The following FGF13 variants were observed in gnomAD, a reference collection of about 807,000 sequenced individuals.
The protein encoded by FGF13 is fibroblast growth factor 13.
In FGF13, 2 loss-of-function variants were observed where a neutral mutation model predicts 19.5. The ratio of observed to expected loss-of-function variants is 0.10; its 90% CI spans 0.04 to 0.32. The LOEUF (loss-of-function observed/expected upper bound fraction) is 0.32, where lower values mean the gene tolerates loss of function less well. FGF13 is among the 10% of genes least tolerant of loss of function. The pLI is 1.00. For missense variants in FGF13, 113 were observed against 192.7 expected (o/e 0.59, Z 2.45); for synonymous variants, 72 against 76.9 (o/e 0.94, Z 0.33).
At chrX:138,787,810 C>T (rs2090705788) in intron 3 of FGF13, among the ~76,000 whole-genome samples, 1 of 109,307 alleles carries the variant, frequency 9.1e-6, no homozygotes, top group African/African-American at 3.3e-5. Flanking sequence ...ACACTGTCTT[C>T]TTCTTATAAG....
intron 1 of FGF13, chrX:138,985,062 A>G (rs778142143): frequency 5.4e-6 from 2 of 372,738 alleles, no homozygotes. Flanking sequence ...ATGCATCCCT[A>G]CTTTTTTCAT....
intron 3 of FGF13, among the ~76,000 whole-genome samples, chrX:138,697,445 G>T (rs1386740337): frequency 4.6e-5 from 5 of 109,768 alleles, no homozygotes; most frequent in Non-Finnish European, 7.6e-5. Flanking sequence ...CTCAGAAAGA[G>T]GACTGCTTTC....
intron 3 of FGF13, among the ~76,000 whole-genome samples, chrX:138,760,059 G>C (rs1382717998): frequency 2.7e-5 from 3 of 111,393 alleles, no homozygotes; most frequent in Non-Finnish European, 5.6e-5. Flanking sequence ...GGAGATGATT[G>C]TTACAATGAA....
chrX:138,970,531 C>T (rs1316492142), intron 1 of FGF13, among the ~76,000 whole-genome samples: 2 of 111,572 alleles, frequency 1.8e-5, no homozygotes, highest in Non-Finnish European at 3.8e-5. Flanking sequence ...TAAAAACAGC[C>T]TTGCTGAAAA....
At chrX:139,176,914 T>A (rs1158390371) in intron 1 of FGF13, among the ~76,000 whole-genome samples, 1 of 112,091 alleles carries the variant, frequency 8.9e-6, no homozygotes, top group Admixed American at 9.5e-5. Flanking sequence ...GTTCTGTAGA[T>A]GTCTATTAGG....
At chrX:138,988,991 G>A (rs2092004258) in intron 1 of FGF13, among the ~76,000 whole-genome samples, 1 of 111,713 alleles carries the variant, frequency 9.0e-6, no homozygotes, top group Admixed American at 9.6e-5. Flanking sequence ...TGAGGGCTAA[G>A]GTTTTTATAC....
upstream of FGF13, chrX:138,715,775 A>T (rs1350579073): frequency 6.2e-5 from 7 of 112,533 alleles, no homozygotes; most frequent in East Asian, 1.7e-3. Flanking sequence ...AGTCCCTTTG[A>T]TTCCACTCCT....
intron 1 of FGF13, among the ~76,000 whole-genome samples, chrX:139,146,767 C>A (rs962878522): frequency 2.7e-5 from 3 of 111,742 alleles, no homozygotes; most frequent in African/African-American, 9.8e-5. Context: ...GGCACATATA[C>A]CCCATGGAAT....
At chrX:139,071,500 T>G (rs2092376443) in intron 1 of FGF13, among the ~76,000 whole-genome samples, 1 of 111,706 alleles carries the variant, frequency 9.0e-6, no homozygotes, top group Non-Finnish European at 1.9e-5. Flanking sequence ...TGTCCAAGAG[T>G]TTTATTCCTT....
At chrX:138,729,246 T>A (rs2090209723) in intron 1 of FGF13, among the ~76,000 whole-genome samples, 1 of 111,307 alleles carries the variant, frequency 9.0e-6, no homozygotes, top group Admixed American at 9.6e-5. Flanking sequence ...ATAACTATGA[T>A]ACATATTTTA....
intron 1 of FGF13, among the ~76,000 whole-genome samples, chrX:139,132,894 A>G (rs1603214794): frequency 1.8e-5 from 2 of 111,906 alleles, no homozygotes. Context: ...CAGTGTTGCA[A>G]TATGTACCTC....
chrX:139,034,653 G>A (rs2092244660), intron 1 of FGF13, among the ~76,000 whole-genome samples: 1 of 110,794 alleles, frequency 9.0e-6, no homozygotes, highest in African/African-American at 3.3e-5. Context: ...TAGCAAATGC[G>A]GATTCCAAGC....
chrX:139,204,402 G>A (rs1419165937), upstream of FGF13: 7 of 179,243 alleles, frequency 3.9e-5, no homozygotes, highest in Non-Finnish European at 7.2e-5. Flanking sequence ...GAGACAAAGC[G>A]GCGCGGCGCT....
chrX:139,040,990 G>T (rs921100752), intron 1 of FGF13, among the ~76,000 whole-genome samples: 1 of 103,745 alleles, frequency 9.6e-6, no homozygotes, highest in Non-Finnish European at 2.0e-5. Context: ...TCACTTGTAA[G>T]TGGGAGTTGA....
chrX:139,191,025 G>T (rs1326860601), intron 1 of FGF13, among the ~76,000 whole-genome samples: 2 of 111,728 alleles, frequency 1.8e-5, no homozygotes, highest in South Asian at 7.5e-4. Flanking sequence ...TCCACATTCG[G>T]CATTTGAGTT....
chrX:138,915,516 C>T (rs6634026), intron 1 of FGF13, among the ~76,000 whole-genome samples: 4,563 of 111,698 alleles, frequency 0.041, 252 homozygotes, highest in African/African-American at 0.14. Flanking sequence ...ATCTACCTCA[C>T]ACTTTCCCTC....
chrX:139,095,126 G>A (rs971531588), intron 1 of FGF13, among the ~76,000 whole-genome samples: 1 of 112,312 alleles, frequency 8.9e-6, no homozygotes, highest in Non-Finnish European at 1.9e-5. Flanking sequence ...TGAGGAAGCT[G>A]TTGTTTCCAA....
chrX:138,838,567 G>T (rs1036657180), intron 3 of FGF13, among the ~76,000 whole-genome samples: 10 of 111,855 alleles, frequency 8.9e-5, no homozygotes, highest in Non-Finnish European at 1.7e-4. Context: ...TCTCAGGTGG[G>T]CTGTCATTCT....
At chrX:139,138,848 G>A (rs1377119104) in intron 1 of FGF13, among the ~76,000 whole-genome samples, 1 of 110,889 alleles carries the variant, frequency 9.0e-6, no homozygotes, top group Non-Finnish European at 1.9e-5. Context: ...CAATCTGTAC[G>A]AGACACAGCG....
Sources: gnomAD v4.1 joint callset for allele counts (sites outside exome capture counted in the v4.1 genomes callset) on GRCh38, gnomAD v4.1.1 for gene constraint, MANE v1.5 for transcripts, NCBI Gene and HGNC (gene_info 2026-07-23, HGNC 2026-07-21) for gene names.